The following CCDC3 variants were observed in gnomAD, a reference collection of about 807,000 sequenced individuals.
CCDC3 encodes the protein coiled-coil domain-containing protein 3.
Under a neutral mutation model 21.4 loss-of-function variants are expected in CCDC3, and 24 were observed. The observed-to-expected ratio is 1.12, with a 90% CI of 0.81 to 1.58. The LOEUF (loss-of-function observed/expected upper bound fraction) is 1.58, where lower values mean the gene tolerates loss of function less well. CCDC3 is among the 40% of genes most tolerant of loss of function. The probability of loss-of-function intolerance (pLI) is 0.00; values close to 1 mark genes in which losing one functional copy is unlikely to be tolerated. For synonymous variants in CCDC3, 186 were observed against 166.0 expected (o/e 1.12, Z -0.93); for missense variants, 425 against 360.9 (o/e 1.18, Z -1.44).
chr10:13,085,608 A>C (rs1487364085), intron 3 of CCDC3, among the ~76,000 whole-genome samples: 3 of 152,124 alleles, frequency 2.0e-5, no homozygotes, highest in African/African-American at 7.2e-5. Flanking sequence ...AAACTTTTTG[A>C]TCCATAATCC....
chr10:13,016,137 T>C (rs1291409747), intron 5 of CCDC3, among the ~76,000 whole-genome samples: 1 of 151,944 alleles, frequency 6.6e-6, no homozygotes, highest in Admixed American at 6.6e-5. Flanking sequence ...GTAGAGCTTA[T>C]CTGCTACTGT....
chr10:13,052,659 C>A (rs1178439131), intron 4 of CCDC3, among the ~76,000 whole-genome samples: 1 of 151,840 alleles, frequency 6.6e-6, no homozygotes, highest in Non-Finnish European at 1.5e-5. Context: ...CCACAGGCAT[C>A]CTGGGCATGG....
chr10:13,042,199 C>A (rs1836466399), intron 5 of CCDC3, among the ~76,000 whole-genome samples: 1 of 152,242 alleles, frequency 6.6e-6, no homozygotes, highest in Admixed American at 6.5e-5. Context: ...AATTTCTTCA[C>A]CTATCACAGC....
intron 2 of CCDC3, among the ~76,000 whole-genome samples, chr10:12,965,865 G>A (rs965169377): frequency 1.8e-4 from 28 of 152,214 alleles, no homozygotes; most frequent in Admixed American, 1.5e-3. Flanking sequence ...TGGAGAAGGT[G>A]TCTGCACCAA....
chr10:12,923,925 C>T (rs757681750), intron 2 of CCDC3, among the ~76,000 whole-genome samples: 8 of 152,218 alleles, frequency 5.3e-5, no homozygotes, highest in Non-Finnish European at 1.0e-4. Context: ...CCTCTACCCA[C>T]TCAGGGAATG....
At chr10:12,982,678 C>T (rs1835518515) in intron 2 of CCDC3, among the ~76,000 whole-genome samples, 1 of 150,542 alleles carries the variant, frequency 6.6e-6, no homozygotes, top group South Asian at 2.1e-4. Context: ...CCTGTAATCC[C>T]AGCTACTCAG....
Position 12,898,535 on chromosome 10 carries a change from G to GCGCCTGCC in CCDC3, c.686_693dup (p.Arg232GlyfsTer59), listed in dbSNP as rs1413646786. The GCGCCTGCC allele has an allele frequency of 1.2e-6, 2 of 1,614,050 alleles. No individual in the cohort carries two copies. Among genetic ancestry groups the GCGCCTGCC allele is most frequent in the Admixed American group, 3.3e-5 (2 of 60,002 alleles). ...AGCTCCAGGTGGCGGCCCTTCTTAC[G>GCGCCTGCC]CGCCTGCCGCAAGGACCTCTTGACC... On this transcript the variant is annotated frameshift_variant, in exon 3 of 3. Transcript: ENST00000378825. LOFTEE classifies it low-confidence loss of function (END_TRUNC).
chr10:12,920,309 A>G (rs1290447736), intron 2 of CCDC3, among the ~76,000 whole-genome samples: 1 of 152,192 alleles, frequency 6.6e-6, no homozygotes, highest in African/African-American at 2.4e-5. Flanking sequence ...AACAGTCCCT[A>G]TGATTCAATT....
chr10:12,945,539 G>A (rs1197398881), intron 2 of CCDC3, among the ~76,000 whole-genome samples: 3 of 152,154 alleles, frequency 2.0e-5, no homozygotes, highest in African/African-American at 4.8e-5. Flanking sequence ...AGGGAATTAA[G>A]TTGCTTTTAA....
In CCDC3 at chr10:13,082,346, C is replaced by G. The variant is rs552495625; in HGVS notation, c.-502-8246G>C. On this transcript the variant is annotated intron_variant, in intron 3 of 6. Coordinates refer to the CCDC3 transcript ENST00000378839. ...AGGCGGAGAGAGAGGACACAGCTTA[C>G]GCCATTATTTCTGCATATCAGAGAC... Among the ~76,000 whole-genome samples the G allele has an allele frequency of 3.3e-5, 5 of 152,308 alleles. No individual in the cohort carries two copies. The South Asian group carries it at 1.0e-3, about 32-fold the overall frequency.
intron 2 of CCDC3, among the ~76,000 whole-genome samples, chr10:12,976,874 A>G (rs1410858067): frequency 6.6e-6 from 1 of 152,240 alleles, no homozygotes; most frequent in African/African-American, 2.4e-5. Flanking sequence ...GTGTCAGTGT[A>G]AATTTAAATC....
intron 5 of CCDC3, among the ~76,000 whole-genome samples, chr10:13,044,596 T>C (rs1014763056): frequency 5.3e-5 from 8 of 152,332 alleles, no homozygotes; most frequent in South Asian, 4.1e-4. Flanking sequence ...ATTTATTGAA[T>C]AGGGAGTCCT....
At chr10:12,992,676 T>TA (rs1210451289) in intron 2 of CCDC3, among the ~76,000 whole-genome samples, 2 of 151,784 alleles carry the variant, frequency 1.3e-5, no homozygotes, top group South Asian at 4.2e-4. Context: ...GGGTGAGGGA[T>TA]AAAAAAGACT....
At chr10:12,994,416 A>AAC (rs1554759680) in intron 2 of CCDC3, among the ~76,000 whole-genome samples, 3 of 137,762 alleles carry the variant, frequency 2.2e-5, no homozygotes, top group South Asian at 2.4e-4. Context: ...AACAAAACAA[A>AAC]AAAAAAAAAC....
chr10:12,907,922 A>G (rs1588999142), intron 2 of CCDC3, among the ~76,000 whole-genome samples: 1 of 152,320 alleles, frequency 6.6e-6, no homozygotes, highest in East Asian at 1.9e-4. Flanking sequence ...CACATTTCAG[A>G]AGCTGGGGCC....
At chr10:12,966,517 T>G (rs2131261186) in intron 2 of CCDC3, among the ~76,000 whole-genome samples, 1 of 152,300 alleles carries the variant, frequency 6.6e-6, no homozygotes, top group Admixed American at 6.5e-5. Context: ...GCTCTCCCCT[T>G]TTCCTCTTGG....
At position 13,086,412 on chromosome 10, in the gene CCDC3, A is replaced by C. The variant is rs76455550; in HGVS notation, c.-503+12113T>G. Among the ~76,000 whole-genome samples the C allele has an allele frequency of 4.5e-3, 692 of 152,336 alleles. 8 individuals carry two copies. The highest frequency in any genetic ancestry group is 0.016 in the African/African-American group (660 of 41,572). On this transcript the variant is annotated intron_variant, in intron 3 of 6. Transcript: ENST00000378839. ...TTAAGATTTAAGGCAATTGTTTGGAATATTTTGGGAGTTATGAATAAAACT... is the reference window on the plus strand; with the variant it reads ...TTAAGATTTAAGGCAATTGTTTGGACTATTTTGGGAGTTATGAATAAAACT...
rs1401257692 is a variant in CCDC3 at position 13,052,944 on chromosome 10, A to T, written c.-269-3003T>A. 3.2e-3 allele frequency among the ~76,000 whole-genome samples: 159 copies of T among 49,846 alleles called. 2 individuals are homozygous for T. The highest frequency in any genetic ancestry group is 9.4e-3 in the African/African-American group (108 of 11,532). 32.7% of individuals were successfully genotyped at this position (49,846 alleles called of 152,430 possible). On this transcript the variant is annotated intron_variant, in intron 4 of 6. Coordinates refer to the CCDC3 transcript ENST00000378839. The stretch of plus-strand genomic sequence containing the variant: ...GCAGTAGATTGAGACTCTGTCACAC[A>T]CACACACACACACACACACACACAC...
intron 3 of CCDC3, among the ~76,000 whole-genome samples, chr10:13,074,772 A>G (rs1836940578): frequency 6.6e-6 from 1 of 152,146 alleles, no homozygotes; most frequent in Admixed American, 6.5e-5. Flanking sequence ...TTACTCAGCT[A>G]TCTACGTTAG....
Sources: gnomAD v4.1 joint callset for allele counts (sites outside exome capture counted in the v4.1 genomes callset) on GRCh38, gnomAD v4.1.1 for gene constraint, MANE v1.5 for transcripts, NCBI Gene and HGNC (gene_info 2026-07-23, HGNC 2026-07-21) for gene names.